The following KANSL1L variants were observed in gnomAD, a reference collection of about 807,000 sequenced individuals.
The protein encoded by KANSL1L is KAT8 regulatory NSL complex subunit 1 like.
KANSL1L carries 25 observed loss-of-function variants against 108.6 expected under a neutral mutation model. The ratio of observed to expected loss-of-function variants is 0.23; its 90% CI spans 0.17 to 0.32. KANSL1L has a LOEUF of 0.32. Among genes scored for constraint, KANSL1L ranks in the 10% least tolerant of loss-of-function variants. The probability of loss-of-function intolerance (pLI) is 1.00; values close to 1 mark genes in which losing one functional copy is unlikely to be tolerated. For missense variants in KANSL1L, 1,137 were observed against 1,125.7 expected (o/e 1.01, Z -0.14); for synonymous variants, 405 against 395.1 (o/e 1.03, Z -0.30).
At chr2:210,050,428 TTAAATA>T (rs2094277855) in intron 6 of KANSL1L, among the ~76,000 whole-genome samples, 1 of 151,912 alleles carries the variant, frequency 6.6e-6, no homozygotes, top group Non-Finnish European at 1.5e-5. Context: ...GAAAACCACT[TTAAATA>T]TAAAGTAATA....
chr2:210,152,713 C>G (rs1353714076), intron 2 of KANSL1L: 1 of 152,172 alleles, frequency 6.6e-6, no homozygotes, highest in Non-Finnish European at 1.5e-5. Flanking sequence ...GTTCTGAAAG[C>G]TATGAGTACG....
chr2:210,029,641 G>A (rs1158910999), intron 10 of KANSL1L, among the ~76,000 whole-genome samples, 162 bp downstream of exon 10: 4 of 149,380 alleles, frequency 2.7e-5, no homozygotes, highest in Non-Finnish European at 6.0e-5. Flanking sequence ...TTAAAAATAA[G>A]TTGTATGAAT....
chr2:210,097,223 C>T (rs1183040650), intron 5 of KANSL1L: 2 of 969,882 alleles, frequency 2.1e-6, no homozygotes, highest in South Asian at 4.8e-5. Context: ...ACTTTGTTTA[C>T]ATCCACTAAT....
At chr2:210,034,734 A>AT (rs1398093110) in intron 8 of KANSL1L, among the ~76,000 whole-genome samples, 1 of 152,228 alleles carries the variant, frequency 6.6e-6, no homozygotes, top group African/African-American at 2.4e-5. Flanking sequence ...CAACTTGGCA[A>AT]TTGGTTTAGA....
intron 3 of KANSL1L, among the ~76,000 whole-genome samples, chr2:210,114,030 G>A (rs2094932015): frequency 6.6e-6 from 1 of 152,028 alleles, no homozygotes; most frequent in Non-Finnish European, 1.5e-5. Context: ...AGAAATAATG[G>A]CTAAAAACTT....
intron 5 of KANSL1L, among the ~76,000 whole-genome samples, chr2:210,082,086 AC>A (rs1267924569): frequency 2.0e-5 from 3 of 152,130 alleles, no homozygotes; most frequent in African/African-American, 7.2e-5. Flanking sequence ...GGTGCATGCC[AC>A]CATGCCTGGC....
intron 3 of KANSL1L, among the ~76,000 whole-genome samples, chr2:210,124,652 A>T (rs1288192167): frequency 6.6e-6 from 1 of 152,096 alleles, no homozygotes; most frequent in Admixed American, 6.5e-5. Context: ...AATAAAGATT[A>T]GGGTAGAGCT....
chr2:210,108,425 G>A (rs891719493), intron 3 of KANSL1L, among the ~76,000 whole-genome samples: 5 of 152,104 alleles, frequency 3.3e-5, no homozygotes, highest in African/African-American at 1.2e-4. Context: ...TTTTAAAAGA[G>A]TTTAAACAAG....
At chr2:210,124,003 T>C (rs2095044438) in intron 3 of KANSL1L, among the ~76,000 whole-genome samples, 2 of 152,104 alleles carry the variant, frequency 1.3e-5, no homozygotes, top group Admixed American at 1.3e-4. Flanking sequence ...TTAAAACATA[T>C]GAAGCAAAAT....
At chr2:210,133,093 T>C (rs1453399201) in intron 2 of KANSL1L, among the ~76,000 whole-genome samples, 1 of 152,144 alleles carries the variant, frequency 6.6e-6, no homozygotes, top group African/African-American at 2.4e-5. Context: ...ATGTACTTGT[T>C]CATAATACAG....
chr2:210,024,044 G>T lies in KANSL1L; in HGVS notation c.2722C>A (p.Gln908Lys), dbSNP rs762697970. 2.5e-6 allele frequency: 4 copies of T among 1,570,668 alleles called. No individual in the cohort carries two copies. The highest frequency in any genetic ancestry group is 2.4e-5 in the South Asian group (2 of 84,224). Residue 908 changes from glutamine (Q) to lysine (K), a missense_variant, in exon 14 of 15, where the codon CAA (glutamine) becomes AAA (lysine). By Grantham distance (53) the Gln-to-Lys change is moderately conservative. Coordinates refer to ENST00000281772, the MANE Select transcript of KANSL1L (RefSeq NM_152519.4). ...AYGLPSLNQS[Q>K]ETKSLWWERR... The stretch of plus-strand genomic sequence containing the variant: ...CATATTACACTTACCTTGGTTTCTT[G>T]ACTTTGATTTAAAGAAGGTAAGCCA...
intron 12 of KANSL1L, among the ~76,000 whole-genome samples, chr2:210,025,709 A>G (rs1449112412): frequency 6.6e-6 from 1 of 152,148 alleles, no homozygotes; most frequent in Admixed American, 6.5e-5. Flanking sequence ...ATTTTTTAAA[A>G]ATTATTTCAT....
chr2:210,073,372 G>T (rs2094520520), intron 6 of KANSL1L, among the ~76,000 whole-genome samples: 1 of 151,952 alleles, frequency 6.6e-6, no homozygotes, highest in African/African-American at 2.4e-5. Context: ...CCCATGTGTG[G>T]CTACTTAAAT....
rs1316725469 is a variant in KANSL1L at position 210,033,400 on chromosome 2, C to T, written c.2030-1854G>A. Among the ~76,000 whole-genome samples the T allele has an allele frequency of 3.3e-5, 5 of 152,138 alleles. No homozygotes were observed. The South Asian group carries it at 8.3e-4, about 25-fold the overall frequency. On this transcript the variant is annotated intron_variant, in intron 8 of 14. Transcript: ENST00000281772. ...AAACGTGTGTAGGTGTTAAAAGTGTCCATTCTTTTAATAACATTTTGCTGT... is the reference window on the plus strand; with the variant it reads ...AAACGTGTGTAGGTGTTAAAAGTGTTCATTCTTTTAATAACATTTTGCTGT...
At chr2:210,029,457 A>C (rs151097873) in intron 10 of KANSL1L, among the ~76,000 whole-genome samples, 246 of 152,152 alleles carry the variant, frequency 1.6e-3, no homozygotes, top group Admixed American at 6.8e-3. Flanking sequence ...AGATAACAAA[A>C]AAACAAACAA....
At chr2:210,134,067 C>A (rs980780544) in intron 2 of KANSL1L, among the ~76,000 whole-genome samples, 2 of 152,036 alleles carry the variant, frequency 1.3e-5, no homozygotes, top group East Asian at 3.9e-4. Flanking sequence ...CTTTTTTTCC[C>A]CACCTTTCAG....
At chr2:210,070,224 C>CTTTTTTTTTTTTTTTTTTTTTT (rs71043971) in intron 6 of KANSL1L, among the ~76,000 whole-genome samples, 1 of 77,542 alleles carries the variant, frequency 1.3e-5, no homozygotes, top group Non-Finnish European at 2.1e-5. Context: ...TTTCTCCGTT[C>CTTTTTTTTTTTTTTTTTTTTTT]TTTTTTTTTT....
At chr2:210,105,878 GTTC>G (rs2094842317) in intron 3 of KANSL1L, among the ~76,000 whole-genome samples, 1 of 151,858 alleles carries the variant, frequency 6.6e-6, no homozygotes, top group Admixed American at 6.6e-5. Context: ...ATGCTCAAAA[GTTC>G]TTATTTCATT....
chr2:210,023,871 G>A (rs1183342895), intron 14 of KANSL1L, among the ~76,000 whole-genome samples, 162 bp downstream of exon 14: 2 of 152,186 alleles, frequency 1.3e-5, no homozygotes, highest in Non-Finnish European at 2.9e-5. Flanking sequence ...GGTGATTATA[G>A]TTAGTAGTGG....
Sources: allele counts gnomAD v4.1 joint callset (sites outside exome capture counted in the v4.1 genomes callset), GRCh38; gene constraint gnomAD v4.1.1; transcripts MANE v1.5; gene names NCBI Gene and HGNC (gene_info 2026-07-23, HGNC 2026-07-21).